The following RBFOX3 variants were observed in gnomAD, a reference collection of about 807,000 sequenced individuals.
The protein encoded by RBFOX3 is RNA binding protein fox-1 homolog 3.
RBFOX3 carries 17 observed loss-of-function variants against 48.7 expected under a neutral mutation model. The ratio of observed to expected loss-of-function variants is 0.35; its 90% CI spans 0.24 to 0.52. The LOEUF is 0.52. RBFOX3 is among the 20% of genes least tolerant of loss of function. The probability of loss-of-function intolerance (pLI) is 0.94; values close to 1 mark genes in which losing one functional copy is unlikely to be tolerated. For synonymous variants in RBFOX3, 212 were observed against 209.5 expected (o/e 1.01, Z -0.10); for missense variants, 382 against 497.5 (o/e 0.77, Z 2.21).
chr17:79,244,835 C>A (rs535257816), intron 3 of RBFOX3, among the ~76,000 whole-genome samples: 1 of 140,820 alleles, frequency 7.1e-6, no homozygotes. Context: ...CCTTCTTTTC[C>A]TTCCTTCTTT....
intron 1 of RBFOX3, among the ~76,000 whole-genome samples, chr17:79,548,260 T>C (rs1555792567): frequency 6.6e-6 from 1 of 151,608 alleles, no homozygotes; most frequent in East Asian, 1.9e-4. Context: ...CACAGCAGAG[T>C]TTCAGAGGCC....
At chr17:79,522,657 T>G (rs1427126805) in intron 1 of RBFOX3, among the ~76,000 whole-genome samples, 2 of 151,300 alleles carry the variant, frequency 1.3e-5, no homozygotes, top group African/African-American at 4.9e-5. Context: ...GGGCTGGGCG[T>G]GGTGGCTCAC....
At chr17:79,611,101 C>T (rs1328465703), upstream of RBFOX3, among the ~76,000 whole-genome samples, 1 of 117,126 alleles carries the variant, frequency 8.5e-6, no homozygotes, top group East Asian at 2.5e-4. Context: ...CTCTCTCTCT[C>T]TCTCTCCTCC....
chr17:79,322,290 T>C (rs1440622478), intron 2 of RBFOX3, among the ~76,000 whole-genome samples: 1 of 152,142 alleles, frequency 6.6e-6, no homozygotes, highest in Non-Finnish European at 1.5e-5. Flanking sequence ...GAAGCTGCTC[T>C]GTGGAGCAAC....
chr17:79,514,540 G>A (rs1020766902), intron 1 of RBFOX3, among the ~76,000 whole-genome samples: 56 of 152,332 alleles, frequency 3.7e-4, no homozygotes, highest in Non-Finnish European at 6.8e-4. Context: ...CTGTCTCCTG[G>A]ATCTCGGCAA....
intron 1 of RBFOX3, among the ~76,000 whole-genome samples, chr17:79,525,161 G>A (rs2086634642): frequency 6.6e-6 from 1 of 152,190 alleles, no homozygotes; most frequent in African/African-American, 2.4e-5. Context: ...TCCTAGTTGT[G>A]GGGCCGTCCT....
chr17:79,293,775 C>G (rs961069470), intron 3 of RBFOX3, among the ~76,000 whole-genome samples: 8 of 152,148 alleles, frequency 5.3e-5, no homozygotes, highest in African/African-American at 1.9e-4. Flanking sequence ...CTTTAGATAA[C>G]CTGCTGCTTT....
chr17:79,110,805 G>A (rs2031023484), intron 5 of RBFOX3, among the ~76,000 whole-genome samples: 1 of 152,216 alleles, frequency 6.6e-6, no homozygotes, highest in Admixed American at 6.5e-5. Flanking sequence ...CTGCACCGTG[G>A]CACGGGCAGC....
chr17:79,227,988 C>T (rs947384048), intron 4 of RBFOX3, among the ~76,000 whole-genome samples: 3 of 152,192 alleles, frequency 2.0e-5, no homozygotes, highest in Non-Finnish European at 4.4e-5. Flanking sequence ...AGACAAGGGG[C>T]CCTGCGGTCA....
chr17:79,530,976 G>A (rs2087669970), intron 1 of RBFOX3, among the ~76,000 whole-genome samples: 1 of 152,222 alleles, frequency 6.6e-6, no homozygotes, highest in Non-Finnish European at 1.5e-5. Flanking sequence ...CGCCGTGGAT[G>A]GACGTGGTGG....
intron 2 of RBFOX3, among the ~76,000 whole-genome samples, chr17:79,415,180 C>T (rs770338297): frequency 1.2e-4 from 18 of 152,204 alleles, no homozygotes; most frequent in Non-Finnish European, 2.2e-4. Flanking sequence ...CCGCCTTTGC[C>T]GAGGTACCTG....
intron 1 of RBFOX3, among the ~76,000 whole-genome samples, chr17:79,513,444 T>C (rs1391354660): frequency 6.6e-6 from 1 of 152,120 alleles, no homozygotes; most frequent in Admixed American, 6.5e-5. Flanking sequence ...CCATTGGGCA[T>C]GGCTGTGCCA....
rs1193202455 is a variant in RBFOX3, at chr17:79,241,094, G to A, written c.-73-5289C>T. 2.0e-5 allele frequency among the ~76,000 whole-genome samples: 3 copies of A among 151,978 alleles called. No homozygotes were observed. The South Asian group carries it at 6.2e-4, about 32-fold the overall frequency. ...GAGTTTAAGTCACCTTCCCACCTTA[G>A]CCTCCCAAGTAGCTGAGACTACAGG... On this transcript the variant is annotated intron_variant, in intron 3 of 14. Transcript: ENST00000693108.
rs188576960 is a variant in RBFOX3, at chr17:79,411,985, G to A, written c.-175+70469C>T. Among the ~76,000 whole-genome samples the A allele has an allele frequency of 2.6e-5, 4 of 151,546 alleles. No individual in the cohort carries two copies. In the East Asian group the frequency reaches 7.8e-4, roughly 29 times the overall value. On this transcript the variant is annotated intron_variant, in intron 2 of 14. Transcript: ENST00000693108. ...ATATATGCCTGTGGGCATGATGTGT[G>A]TTATATAAATGTGTGTGCAGCATGT... is the stretch of plus-strand genomic sequence containing the variant.
At chr17:79,595,821 C>T (rs899237024) in intron 1 of RBFOX3, among the ~76,000 whole-genome samples, 15 of 152,302 alleles carry the variant, frequency 9.8e-5, no homozygotes, top group South Asian at 6.2e-4. Flanking sequence ...AATCTGCCAG[C>T]GGAGAAATAT....
intron 10 of RBFOX3, 120 bp from the exon 11 acceptor site, chr17:79,097,544 C>T: frequency 1.4e-6 from 2 of 1,420,786 alleles, no homozygotes; most frequent in South Asian, 1.5e-5. Context: ...AAGCCCCGCC[C>T]CCGGAGCGCT....
chr17:79,239,361 C>T (rs1417528095), intron 3 of RBFOX3, among the ~76,000 whole-genome samples: 1 of 152,222 alleles, frequency 6.6e-6, no homozygotes, highest in South Asian at 2.1e-4. Flanking sequence ...AAACACTGCT[C>T]TCAGCCACTC....
At chr17:79,165,120 A>G (rs1422097421) in intron 4 of RBFOX3, among the ~76,000 whole-genome samples, 2 of 151,988 alleles carry the variant, frequency 1.3e-5, no homozygotes, top group Non-Finnish European at 2.9e-5. Context: ...GCCGGGAGGG[A>G]TGAGAGGCGG....
At chr17:79,163,559 G>A (rs1048614371) in intron 4 of RBFOX3, among the ~76,000 whole-genome samples, 5 of 152,244 alleles carry the variant, frequency 3.3e-5, no homozygotes, top group Admixed American at 2.0e-4. Context: ...GGAAGTCCCA[G>A]AGCTGGAGGG....
Sources: gnomAD v4.1 joint callset for allele counts (sites outside exome capture counted in the v4.1 genomes callset) on GRCh38, gnomAD v4.1.1 for gene constraint, MANE v1.5 for transcripts, NCBI Gene and HGNC (gene_info 2026-07-23, HGNC 2026-07-21) for gene names.